The following COL5A2 variants were observed in gnomAD, a reference collection of about 807,000 sequenced individuals.
COL5A2 encodes the protein collagen type V alpha 2 chain, also known as collagen alpha-2(V) chain.
In COL5A2, 23 loss-of-function variants were observed where a neutral mutation model predicts 208.2. That is an observed-to-expected ratio of 0.11 (90% confidence interval 0.08 to 0.16). The LOEUF is 0.16. Among genes scored for constraint, COL5A2 ranks in the 10% least tolerant of loss-of-function variants. The probability of loss-of-function intolerance (pLI) is 1.00; values close to 1 mark genes in which losing one functional copy is unlikely to be tolerated. For missense variants in COL5A2, 1,590 were observed against 1,956.4 expected (o/e 0.81, Z 3.53); for synonymous variants, 625 against 628.5 (o/e 0.99, Z 0.08).
At chr2:189,144,021 A>C (rs865853969) in intron 1 of COL5A2, among the ~76,000 whole-genome samples, 1 of 152,256 alleles carries the variant, frequency 6.6e-6, no homozygotes, top group East Asian at 1.9e-4. Context: ...TGTTTCCCAG[A>C]TCTTTAGAGG....
chr2:189,332,928 C>A, the COL5A2 span, among the ~76,000 whole-genome samples: 2 of 152,054 alleles, frequency 1.3e-5, no homozygotes, highest in Admixed American at 6.5e-5. Context: ...TAAAAATCCT[C>A]AAATATTTGG....
At chr2:189,265,694 A>T in the COL5A2 span, among the ~76,000 whole-genome samples, 5 of 152,206 alleles carry the variant, frequency 3.3e-5, no homozygotes, top group Non-Finnish European at 7.3e-5. Flanking sequence ...ACCAAAGAAG[A>T]TACACAAATA....
intron 25 of COL5A2, 46 bp from the exon 26 acceptor site, chr2:189,064,079 GAAGTA>G (rs1342153008): frequency 6.7e-7 from 1 of 1,481,666 alleles, no homozygotes; most frequent in African/African-American, 1.4e-5. Flanking sequence ...ATATGCAGTT[GAAGTA>G]AAGATTCTTA....
chr2:189,106,933 C>G (rs1419410447), intron 2 of COL5A2, among the ~76,000 whole-genome samples: 1 of 151,160 alleles, frequency 6.6e-6, no homozygotes, highest in African/African-American at 2.4e-5. Flanking sequence ...ATAATCGCCA[C>G]TTTTTCATGA....
chr2:189,276,313 T>C, the COL5A2 span, among the ~76,000 whole-genome samples: 1 of 152,194 alleles, frequency 6.6e-6, no homozygotes, highest in East Asian at 1.9e-4. Context: ...ATGATTGTGT[T>C]AGGGCTTTTA....
At chr2:189,280,121 C>T in the COL5A2 span, among the ~76,000 whole-genome samples, 5 of 152,132 alleles carry the variant, frequency 3.3e-5, no homozygotes, top group African/African-American at 1.2e-4. Flanking sequence ...TACTTCCCAA[C>T]CTCCAGAATT....
chr2:189,234,412 T>C, the COL5A2 span, among the ~76,000 whole-genome samples: 1 of 151,822 alleles, frequency 6.6e-6, no homozygotes, highest in Non-Finnish European at 1.5e-5. Context: ...CATTCAAGAA[T>C]ACTTTATTTT....
At chr2:189,208,571 A>T (rs1190587859) in intron 1 of COL5A2, among the ~76,000 whole-genome samples, 1 of 152,218 alleles carries the variant, frequency 6.6e-6, no homozygotes, top group East Asian at 1.9e-4. Flanking sequence ...GGAAGTTAGG[A>T]GGCAGGATAA....
intron 24 of COL5A2, 121 bp from the exon 25 acceptor site, chr2:189,064,776 T>C: frequency 1.2e-6 from 1 of 849,698 alleles, no homozygotes. Context: ...AAGGCACTGA[T>C]ATAACGTATA....
chr2:189,385,063 T>C, the COL5A2 span, among the ~76,000 whole-genome samples: 1 of 152,194 alleles, frequency 6.6e-6, no homozygotes, highest in African/African-American at 2.4e-5. Context: ...TCAGTGTCTA[T>C]TCATATATTG....
Position 189,066,472 on chromosome 2 carries a change from A to T in COL5A2, c.1481T>A (p.Ile494Lys). The T allele has an allele frequency of 6.2e-7, 1 of 1,614,186 alleles. No individual in the cohort carries two copies. Among genetic ancestry groups the T allele is most frequent in the South Asian group, 1.1e-5 (1 of 91,078 alleles). Residue 494 changes from isoleucine (I) to lysine (K), a missense_variant, in exon 23 of 54, where the codon ATA (isoleucine) becomes AAA (lysine). Ile to Lys is a moderately radical substitution (Grantham distance 102). Transcript: ENST00000374866. ...TTTGCCTTCTTCACCGGGTGGGCCT[A>T]TCGGACCCTGAATACCATGTGGCCC... is the stretch of plus-strand genomic sequence containing the variant. Reference protein sequence around the residue: ...EPGPHGIQGPIGPPGEEGKRG... With the variant: ...EPGPHGIQGPKGPPGEEGKRG...
chr2:189,129,737 G>A (rs957225340), intron 1 of COL5A2, among the ~76,000 whole-genome samples: 1 of 151,972 alleles, frequency 6.6e-6, no homozygotes, highest in Admixed American at 6.6e-5. Context: ...AGGGGAAGAG[G>A]TTGGATTATA....
chr2:189,425,177 A>G, the COL5A2 span, among the ~76,000 whole-genome samples: 4 of 152,230 alleles, frequency 2.6e-5, no homozygotes, highest in Admixed American at 1.3e-4. Context: ...TAGAATGACT[A>G]TTATCGAAAA....
the COL5A2 span, among the ~76,000 whole-genome samples, chr2:189,340,879 CG>C: frequency 6.6e-6 from 1 of 152,068 alleles, no homozygotes. Flanking sequence ...TTTCCAAAGA[CG>C]TTTAAAGCCT....
chr2:189,191,543 A>C (rs1688930597), intron 1 of COL5A2, among the ~76,000 whole-genome samples: 1 of 152,074 alleles, frequency 6.6e-6, no homozygotes, highest in South Asian at 2.1e-4. Context: ...TGGGAGGCTG[A>C]GGCACAAGAA....
the COL5A2 span, among the ~76,000 whole-genome samples, chr2:189,312,552 A>G: frequency 1.3e-5 from 2 of 152,148 alleles, no homozygotes; most frequent in Admixed American, 1.3e-4. Flanking sequence ...CCAGGAAGAG[A>G]GCAAGAGGAC....
rs115150799 is a variant in COL5A2, at chr2:189,204,660, T to C, written c.-42+20488A>G. ...CCTTTAGATTTCTGTCCTAATACTA[T>C]AAAAATATGGGGACTTAATCAAAGA... On this transcript the variant is annotated intron_variant, in intron 1 of 10. Coordinates refer to the COL5A2 transcript ENST00000649966. Among the ~76,000 whole-genome samples the C allele has an allele frequency of 2.4e-3, 363 of 152,308 alleles. 2 individuals are homozygous for C. Among genetic ancestry groups the C allele is most frequent in the African/African-American group, 7.6e-3 (314 of 41,570 alleles).
At chr2:189,294,316 T>C in the COL5A2 span, among the ~76,000 whole-genome samples, 1 of 152,164 alleles carries the variant, frequency 6.6e-6, no homozygotes, top group Non-Finnish European at 1.5e-5. Context: ...CCTCCAGTTT[T>C]GAAAACTGTA....
rs13429781 is a variant in COL5A2, at chr2:189,069,731, A to G, written c.1159-847T>C. On this transcript the variant is annotated intron_variant, in intron 18 of 53. Coordinates refer to ENST00000374866, the MANE Select transcript of COL5A2 (RefSeq NM_000393.5). Reference sequence around the variant, plus strand: ...CTATATAAAATTTCATACCATCATTACAGAACAATAAATTGTTTCCTTGCT... The same window carrying G: ...CTATATAAAATTTCATACCATCATTGCAGAACAATAAATTGTTTCCTTGCT... 4.6e-3 allele frequency among the ~76,000 whole-genome samples: 694 copies of G among 152,348 alleles called. 5 individuals carry two copies. The highest frequency in any genetic ancestry group is 0.015 in the African/African-American group (640 of 41,588).
Sources: allele counts gnomAD v4.1 joint callset (sites outside exome capture counted in the v4.1 genomes callset), GRCh38; gene constraint gnomAD v4.1.1; transcripts MANE v1.5; gene names NCBI Gene and HGNC (gene_info 2026-07-23, HGNC 2026-07-21).